The following LARGE1 variants were observed in gnomAD, a reference collection of about 807,000 sequenced individuals.
LARGE1 encodes the protein xylosyl- and glucuronyltransferase LARGE1.
In LARGE1, 43 loss-of-function variants were observed where a neutral mutation model predicts 87.6. The ratio of observed to expected loss-of-function variants is 0.49; its 90% CI spans 0.38 to 0.63. The LOEUF is 0.63. Ranked by LOEUF, LARGE1 falls within the 30% of genes least tolerant of loss-of-function variation. The probability of loss-of-function intolerance (pLI) is 0.00; values close to 1 mark genes in which losing one functional copy is unlikely to be tolerated. For synonymous variants in LARGE1, 434 were observed against 394.6 expected, an observed-to-expected ratio of 1.10 and a Z score of -1.18; for missense variants, 802 against 1,000.2, an observed-to-expected ratio of 0.80 and a Z score of 2.67.
chr22:33,180,084 T>G (rs1923083197), intron 11 of LARGE1, among the ~76,000 whole-genome samples: 2 of 152,192 alleles, frequency 1.3e-5, no homozygotes, highest in Admixed American at 1.3e-4. Context: ...ATCTTGGTAG[T>G]GGAGAGACTG....
chr22:33,736,310 CT>C (rs1237198733), intron 2 of LARGE1, among the ~76,000 whole-genome samples: 1 of 152,174 alleles, frequency 6.6e-6, no homozygotes, highest in African/African-American at 2.4e-5. Context: ...CTTGTTATTT[CT>C]TTTTGATAAC....
At chr22:33,756,829 C>T (rs907376012) in intron 2 of LARGE1, among the ~76,000 whole-genome samples, 4 of 152,114 alleles carry the variant, frequency 2.6e-5, no homozygotes, top group Non-Finnish European at 2.9e-5. Context: ...AGAGCCAGGG[C>T]GACAGCAGTG....
At chr22:33,806,782 C>T (rs1366263004) in intron 1 of LARGE1, among the ~76,000 whole-genome samples, 1 of 152,084 alleles carries the variant, frequency 6.6e-6, no homozygotes, top group African/African-American at 2.4e-5. Flanking sequence ...GAGGCCGAGG[C>T]AGGCGGATCA....
intron 11 of LARGE1, among the ~76,000 whole-genome samples, chr22:33,256,442 C>G (rs1022564944): frequency 6.6e-6 from 1 of 152,188 alleles, no homozygotes; most frequent in Non-Finnish European, 1.5e-5. Flanking sequence ...CCTGGGCAAG[C>G]CATTTTAACC....
At chr22:33,314,463 C>T (rs1601409268) in intron 11 of LARGE1, among the ~76,000 whole-genome samples, 3 of 152,298 alleles carry the variant, frequency 2.0e-5, no homozygotes, top group Admixed American at 2.0e-4. Context: ...TCTCAAGTGC[C>T]TTTATGAAAA....
At chr22:33,176,052 GA>G (rs1922850934) in intron 11 of LARGE1, among the ~76,000 whole-genome samples, 2 of 152,180 alleles carry the variant, frequency 1.3e-5, no homozygotes, top group Admixed American at 1.3e-4. Context: ...AAGCAATGGG[GA>G]AAGGATTCCC....
chr22:33,183,620 G>GCACGCACACA (rs1555880674), intron 11 of LARGE1, among the ~76,000 whole-genome samples: 149 of 137,912 alleles, frequency 1.1e-3, no homozygotes, highest in African/African-American at 4.2e-3. Flanking sequence ...ACACACACAC[G>GCACGCACACA]CACACACACA....
At chr22:33,581,969 TG>T (rs1261649953) in intron 5 of LARGE1, among the ~76,000 whole-genome samples, 6 of 152,352 alleles carry the variant, frequency 3.9e-5, no homozygotes, top group Non-Finnish European at 7.3e-5. Context: ...GACTGGCCTC[TG>T]ACTTTAGTAC....
chr22:33,134,905 T>C, the LARGE1 span, among the ~76,000 whole-genome samples: 4 of 152,084 alleles, frequency 2.6e-5, no homozygotes, highest in Non-Finnish European at 4.4e-5. Flanking sequence ...GATTCATAGG[T>C]GGAGGCAGAT....
chr22:33,339,217 AAAG>A (rs1246321096), intron 9 of LARGE1, among the ~76,000 whole-genome samples: 5 of 152,052 alleles, frequency 3.3e-5, no homozygotes, highest in African/African-American at 4.8e-5. Flanking sequence ...GAGAAGCATC[AAAG>A]AAGAAGATGC....
In LARGE1 at chr22:33,400,687, C is replaced by T. The variant is rs183607890; in HGVS notation, c.893-16383G>A. Among the ~76,000 whole-genome samples the T allele has an allele frequency of 1.9e-3, 291 of 152,236 alleles. 2 individuals are homozygous for T. Among genetic ancestry groups the T allele is most frequent in the East Asian group, 7.7e-4 (4 of 5,176 alleles). ...CTGGAATGTGGAGCTCCTAAACAGC[C>T]GAAAGGGCAGGAAGCTTTCTGCAAC... is the stretch of plus-strand genomic sequence containing the variant. On this transcript the variant is annotated intron_variant, in intron 7 of 14. Coordinates refer to ENST00000397394, the MANE Select transcript of LARGE1 (RefSeq NM_133642.5).
At chr22:33,849,592 CTTT>C (rs71187287) in intron 1 of LARGE1, among the ~76,000 whole-genome samples, 2,980 of 88,430 alleles carry the variant, frequency 0.034, 28 homozygotes, top group African/African-American at 0.093. Context: ...CTTTTCTTCT[CTTT>C]TTTTTTTTTT....
At chr22:33,506,235 T>C (rs577049520) in intron 6 of LARGE1, among the ~76,000 whole-genome samples, 5 of 152,212 alleles carry the variant, frequency 3.3e-5, no homozygotes, top group South Asian at 2.1e-4. Flanking sequence ...CAGAGAAAGA[T>C]ACATTCTTCT....
At chr22:33,144,184 T>C in the LARGE1 span, among the ~76,000 whole-genome samples, 8 of 152,158 alleles carry the variant, frequency 5.3e-5, no homozygotes, top group Non-Finnish European at 1.0e-4. Flanking sequence ...TAGGGCCTGA[T>C]TTCATGCCCA....
At chr22:33,443,897 C>A (rs112407785) in intron 6 of LARGE1, among the ~76,000 whole-genome samples, 1 of 152,256 alleles carries the variant, frequency 6.6e-6, no homozygotes, top group African/African-American at 2.4e-5. Flanking sequence ...ACCTCTCAGA[C>A]GAGGCCTCCA....
intron 6 of LARGE1, among the ~76,000 whole-genome samples, chr22:33,557,235 T>C (rs1400076800): frequency 6.6e-6 from 1 of 152,164 alleles, no homozygotes; most frequent in Non-Finnish European, 1.5e-5. Flanking sequence ...AAAGTTAATC[T>C]GAAAATAATT....
At chr22:33,865,832 CTTTTTTTTTTTTTTTT>C (rs3072359) in intron 1 of LARGE1, among the ~76,000 whole-genome samples, 555 of 28,356 alleles carry the variant, frequency 0.02, 3 homozygotes, top group Non-Finnish European at 0.028. Flanking sequence ...AGCTGTTATT[CTTTTTTTTTTTTTTTT>C]TTTTTTTTTT....
At chr22:33,295,149 G>A (rs1013110651) in intron 12 of LARGE1, among the ~76,000 whole-genome samples, 14 of 152,184 alleles carry the variant, frequency 9.2e-5, no homozygotes, top group South Asian at 2.1e-4. Context: ...GTGGATGCTC[G>A]TAAGAAGTGG....
chr22:33,707,820 A>G (rs1256610531), intron 2 of LARGE1, among the ~76,000 whole-genome samples: 3 of 152,168 alleles, frequency 2.0e-5, no homozygotes, highest in African/African-American at 7.2e-5. Flanking sequence ...TAGCACTGTG[A>G]GGGCCCTGGG....
Sources: gnomAD v4.1 joint callset for allele counts (sites outside exome capture counted in the v4.1 genomes callset) on GRCh38, gnomAD v4.1.1 for gene constraint, MANE v1.5 for transcripts, NCBI Gene and HGNC (gene_info 2026-07-23, HGNC 2026-07-21) for gene names.